The following LMF1 variants were observed in gnomAD, a reference collection of about 807,000 sequenced individuals.
LMF1 encodes lipase maturation factor 1.
LMF1 carries 68 observed loss-of-function variants against 60.6 expected under a neutral mutation model. That is an observed-to-expected ratio of 1.12 (90% CI 0.92 to 1.37). The LOEUF (loss-of-function observed/expected upper bound fraction) is 1.37. Among genes scored for constraint, LMF1 ranks in the 40% most tolerant of loss-of-function variants. The pLI, the probability that LMF1 is intolerant of heterozygous loss-of-function variation, is 0.00. For synonymous variants in LMF1, 418 were observed against 324.7 expected (o/e 1.29, Z -3.09); for missense variants, 948 against 767.2 (o/e 1.24, Z -2.78).
At chr16:928,463 G>A (rs1444217146) in intron 3 of LMF1, among the ~76,000 whole-genome samples, 1 of 152,180 alleles carries the variant, frequency 6.6e-6, no homozygotes, top group African/African-American at 2.4e-5. Flanking sequence ...CCCTGGATGG[G>A]ACTGTAGTAA....
chr16:867,442 G>A (rs529352727), intron 10 of LMF1, among the ~76,000 whole-genome samples: 2 of 152,210 alleles, frequency 1.3e-5, no homozygotes, highest in Admixed American at 1.3e-4. Context: ...AGGAGGCTGC[G>A]ATCTGGGGTG....
At chr16:896,634 A>AGCT (rs1178091511) in intron 4 of LMF1, among the ~76,000 whole-genome samples, 1 of 152,102 alleles carries the variant, frequency 6.6e-6, no homozygotes, top group Non-Finnish European at 1.5e-5. Flanking sequence ...CACCCAGGGG[A>AGCT]GCTGCTGCTT....
At chr16:977,761 C>T (rs2073193082) in intron 1 of LMF1, among the ~76,000 whole-genome samples, 3 of 152,038 alleles carry the variant, frequency 2.0e-5, no homozygotes, top group African/African-American at 7.2e-5. Context: ...AGGGGCCTCT[C>T]CAGGGTGGCA....
intron 3 of LMF1, 123 bp downstream of exon 3, chr16:934,121 A>G: frequency 1.9e-6 from 3 of 1,571,086 alleles, no homozygotes; most frequent in Non-Finnish European, 2.6e-6. Context: ...CCCTCCGTGC[A>G]TACTGGGAAG....
intron 3 of LMF1, chr16:931,825 C>A: frequency 7.9e-7 from 1 of 1,273,288 alleles, no homozygotes; most frequent in Non-Finnish European, 1.0e-6. Flanking sequence ...GAAACTCAGG[C>A]TCACGAGGGC....
intron 10 of LMF1, 124 bp downstream of exon 10, chr16:868,820 G>C: frequency 3.1e-6 from 2 of 649,424 alleles, no homozygotes; most frequent in Non-Finnish European, 5.5e-6. Flanking sequence ...CCCACCTCCT[G>C]CCTCTGCGGG....
chr16:928,784 G>T (rs1446401268), intron 3 of LMF1, among the ~76,000 whole-genome samples: 4 of 152,090 alleles, frequency 2.6e-5, no homozygotes, highest in Non-Finnish European at 4.4e-5. Flanking sequence ...CCCCCATGGG[G>T]GCCCAGTGGT....
At chr16:981,024 C>A (rs1357727334) in intron 1 of LMF1, 1 of 215,126 alleles carries the variant, frequency 4.6e-6, no homozygotes, top group South Asian at 4.4e-5. Context: ...CGCTCCCGCC[C>A]CCTCCAGCTG....
At chr16:864,008 T>C (rs191564365) in intron 10 of LMF1, among the ~76,000 whole-genome samples, 1 of 152,388 alleles carries the variant, frequency 6.6e-6, no homozygotes, top group East Asian at 1.9e-4. Context: ...TTGCTGAATT[T>C]CCATCTAGTT....
Position 869,949 on chromosome 16 carries a change from TC to T in LMF1, c.1349del (p.Arg450AsnfsTer16). The T allele has an allele frequency of 6.2e-7, 1 of 1,613,232 alleles. No homozygotes were observed. The highest frequency in any genetic ancestry group is 8.5e-7 in the Non-Finnish European group (1 of 1,179,852). On this transcript the variant is annotated frameshift_variant, in exon 9 of 11. Coordinates refer to ENST00000262301, the MANE Select transcript of LMF1 (RefSeq NM_022773.4). LOFTEE classifies it high-confidence loss of function. The part of the protein sequence containing the change: ...EFKCKPGDPS[R>X]RPCLISPYHY... ...GGTACGGGGAGATGAGGCAGGGCCG[TC>T]TGCTGGGGTCACCTGGCTTGCACTT...
In LMF1 at chr16:854,292, G is replaced by C. The variant is rs145194126; in HGVS notation, c.*240C>G. The C allele has an allele frequency of 3.1e-3, 2,092 of 681,250 alleles. 33 individuals carry two copies. Among genetic ancestry groups the C allele is most frequent in the African/African-American group, 0.03 (1,691 of 56,934 alleles). 42.2% of individuals were successfully genotyped at this position (681,250 alleles called of 1,614,324 possible). A position where few individuals can be genotyped will look rare whatever the true frequency, so the allele number is the denominator to read the frequency against. On this transcript the variant is annotated 3_prime_UTR_variant, in exon 11 of 11. Transcript: ENST00000262301. ...AGGGTGGGATGGATGGGAGATCAGA[G>C]CCCCTGGCGCCTGGGACAAGGGTTG...
intron 1 of LMF1, chr16:976,616 C>T (rs2073152211): frequency 2.2e-6 from 1 of 454,008 alleles, no homozygotes; most frequent in African/African-American, 2.0e-5. Flanking sequence ...ACGAGAAGTG[C>T]AGAGAGCAAA....
intron 1 of LMF1, chr16:981,110 C>T (rs1347928093): frequency 4.9e-6 from 2 of 406,688 alleles, no homozygotes; most frequent in Non-Finnish European, 1.0e-5. Flanking sequence ...CCGGGGTCCC[C>T]CAGCTCCGAG....
chr16:854,649 G>A lies in LMF1; in HGVS notation c.1587C>T (p.Ala529=), dbSNP rs762154063. The A allele has an allele frequency of 1.2e-5, 19 of 1,605,878 alleles. No homozygotes were observed. The highest frequency in any genetic ancestry group is 4.5e-5 in the East Asian group (2 of 44,662). ...YKFSRPGGRH[A]AEGKWWVRKR... is the part of the protein sequence containing the mutation. Reference sequence around the variant, plus strand: ...TCCGCACCCACCACTTGCCCTCGGCGGCGTGCCTGCCCCCAGGACGGCTGA... The same window carrying A: ...TCCGCACCCACCACTTGCCCTCGGCAGCGTGCCTGCCCCCAGGACGGCTGA... The change falls in exon 11 of 11, where the codon GCC becomes GCT. Residue 529 remains alanine, a synonymous_variant. Coordinates refer to ENST00000262301, the MANE Select transcript of LMF1 (RefSeq NM_022773.4).
chr16:929,330 T>C (rs546823769), intron 3 of LMF1, among the ~76,000 whole-genome samples: 1 of 152,306 alleles, frequency 6.6e-6, no homozygotes, highest in African/African-American at 2.4e-5. Context: ...GTGCTAGGCA[T>C]GGCGCCCCAT....
intron 5 of LMF1, among the ~76,000 whole-genome samples, chr16:883,121 C>T (rs1013721379): frequency 1.3e-5 from 2 of 150,840 alleles, no homozygotes; most frequent in African/African-American, 4.9e-5. Context: ...CCAGCGGAGC[C>T]CATTGCAGGA....
intron 5 of LMF1, among the ~76,000 whole-genome samples, chr16:881,737 C>A (rs138101363): frequency 7.9e-5 from 12 of 152,294 alleles, no homozygotes; most frequent in Middle Eastern, 6.8e-3. Context: ...TTTGGGGTTG[C>A]GGCGAGACCC....
intron 2 of LMF1, among the ~76,000 whole-genome samples, chr16:946,727 C>G (rs1349441440): frequency 1.3e-5 from 2 of 152,230 alleles, no homozygotes; most frequent in Non-Finnish European, 2.9e-5. Context: ...GCTCAGTCAC[C>G]TACATGGCCC....
intron 2 of LMF1, among the ~76,000 whole-genome samples, chr16:940,146 C>T (rs750580857): frequency 7.2e-5 from 11 of 152,274 alleles, no homozygotes; most frequent in East Asian, 1.9e-4. Context: ...AGGACCTTCC[C>T]GCAGAGACTC....
Sources: allele counts gnomAD v4.1 joint callset (sites outside exome capture counted in the v4.1 genomes callset), GRCh38; gene constraint gnomAD v4.1.1; transcripts MANE v1.5; gene names NCBI Gene and HGNC (gene_info 2026-07-23, HGNC 2026-07-21).